The following TNFSF13B variants were observed in gnomAD, a reference collection of about 807,000 sequenced individuals.
The protein encoded by TNFSF13B is TNF superfamily member 13b, also known as tumor necrosis factor ligand superfamily member 13B.
In TNFSF13B, 8 loss-of-function variants were observed where a neutral mutation model predicts 29.1. That is an observed-to-expected ratio of 0.27 (90% confidence interval 0.16 to 0.50). The LOEUF (loss-of-function observed/expected upper bound fraction) is 0.50. TNFSF13B is among the 20% of genes least tolerant of loss of function. TNFSF13B has a pLI of 0.98. For missense variants in TNFSF13B, 248 were observed against 334.9 expected (o/e 0.74, Z 2.03); for synonymous variants, 125 against 130.8 (o/e 0.96, Z 0.30).
chr13:108,278,683 TTCCTCCTC>T (rs1880842991), intron 2 of TNFSF13B, among the ~76,000 whole-genome samples: 167 of 9,382 alleles, frequency 0.018, no homozygotes, highest in African/African-American at 0.028. Context: ...CTCTCCTCCT[TTCCTCCTC>T]CTCTTCCTCC....
At chr13:108,301,307 C>T (rs1159159095) in intron 3 of TNFSF13B, 1 of 152,172 alleles carries the variant, frequency 6.6e-6, no homozygotes, top group Non-Finnish European at 1.5e-5. Context: ...AGATAGGGTG[C>T]ATTCGGAGTG....
intron 2 of TNFSF13B, among the ~76,000 whole-genome samples, chr13:108,281,530 C>T (rs1880956347): frequency 6.6e-6 from 1 of 152,128 alleles, no homozygotes; most frequent in Admixed American, 6.6e-5. Flanking sequence ...TATGTCTTTT[C>T]CCAGTAGATC....
At chr13:108,272,917 G>A (rs989639395) in intron 2 of TNFSF13B, among the ~76,000 whole-genome samples, 1 of 151,822 alleles carries the variant, frequency 6.6e-6, no homozygotes, top group Admixed American at 6.6e-5. Flanking sequence ...TAATAGAGTA[G>A]GAAAGAAATA....
intron 3 of TNFSF13B, among the ~76,000 whole-genome samples, chr13:108,302,159 T>C (rs1364585879): frequency 6.6e-6 from 1 of 152,184 alleles, no homozygotes; most frequent in African/African-American, 2.4e-5. Flanking sequence ...CTATTGTCTG[T>C]TGTGGATTCT....
At chr13:108,278,315 T>C (rs987729323) in intron 2 of TNFSF13B, among the ~76,000 whole-genome samples, 2 of 152,082 alleles carry the variant, frequency 1.3e-5, no homozygotes, top group African/African-American at 2.4e-5. Flanking sequence ...CGAGATTATC[T>C]AGACAGTGGT....
chr13:108,306,674 A>C, intron 5 of TNFSF13B, 152 bp from the exon 6 acceptor site: 1 of 489,708 alleles, frequency 2.0e-6, no homozygotes, highest in Non-Finnish European at 3.6e-6. Flanking sequence ...AGGCTAAGAT[A>C]ATTGCAATGG....
chr13:108,306,017 C>T (rs7982100), intron 5 of TNFSF13B, among the ~76,000 whole-genome samples: 4,091 of 152,232 alleles, frequency 0.027, 96 homozygotes, highest in East Asian at 0.1. Flanking sequence ...TATTTCTTCT[C>T]TTCCCCCATT....
In TNFSF13B at chr13:108,270,009, T is replaced by G. The variant is rs766785703; in HGVS notation, c.114T>G (p.Ser38=). 22 of 1,613,084 alleles carry G rather than the reference T, an allele frequency of 1.4e-5. No individual in the cohort carries two copies. Among genetic ancestry groups the G allele is most frequent in the Non-Finnish European group, 1.9e-5 (22 of 1,180,020 alleles). Residue 38 remains serine, a synonymous_variant, in exon 1 of 6, where the codon TCT becomes TCG. Coordinates refer to ENST00000375887, the MANE Select transcript of TNFSF13B (RefSeq NM_006573.5). ...VSILPRKESP[S]VRSSKDGKLL... is the part of the protein sequence containing the mutation. ...TCCTCCCACGGAAGGAAAGCCCCTCTGTCCGATCCTCCAAAGACGGAAAGC... is the reference window on the plus strand; with the variant it reads ...TCCTCCCACGGAAGGAAAGCCCCTCGGTCCGATCCTCCAAAGACGGAAAGC...
At chr13:108,284,911 G>A (rs562605871) in intron 2 of TNFSF13B, among the ~76,000 whole-genome samples, 7 of 152,290 alleles carry the variant, frequency 4.6e-5, no homozygotes, top group Admixed American at 1.3e-4. Flanking sequence ...TAGCTGCCCC[G>A]GAGGCTTTGT....
chr13:108,282,095 A>G (rs1880974455), intron 2 of TNFSF13B, among the ~76,000 whole-genome samples: 2 of 152,212 alleles, frequency 1.3e-5, no homozygotes, highest in Non-Finnish European at 2.9e-5. Flanking sequence ...GGTGCAATAA[A>G]TAAGATGACA....
At chr13:108,275,376 G>A (rs1043466480) in intron 2 of TNFSF13B, among the ~76,000 whole-genome samples, 5 of 151,976 alleles carry the variant, frequency 3.3e-5, no homozygotes, top group African/African-American at 9.7e-5. Flanking sequence ...ACCTAAAAAG[G>A]TTCATTGTTA....
At chr13:108,280,570 A>C (rs1231769897) in intron 2 of TNFSF13B, among the ~76,000 whole-genome samples, 5 of 152,222 alleles carry the variant, frequency 3.3e-5, no homozygotes, top group Admixed American at 6.5e-5. Flanking sequence ...CGTTCCAAGA[A>C]TATATTATTA....
chr13:108,304,246 C>T (rs1041713146), intron 5 of TNFSF13B, among the ~76,000 whole-genome samples: 2 of 151,730 alleles, frequency 1.3e-5, no homozygotes, highest in Admixed American at 1.3e-4. Flanking sequence ...TTTCTAAATA[C>T]AGGTGACATC....
At chr13:108,304,126 A>T (rs922919374) in intron 5 of TNFSF13B, among the ~76,000 whole-genome samples, 1 of 152,198 alleles carries the variant, frequency 6.6e-6, no homozygotes, top group Admixed American at 6.5e-5. Context: ...ACTTGGTTTA[A>T]ACCAGCCAGT....
chr13:108,303,653 G>T, intron 5 of TNFSF13B, 49 bp downstream of exon 5: 1 of 1,556,306 alleles, frequency 6.4e-7, no homozygotes, highest in South Asian at 1.2e-5. Flanking sequence ...AAGAGACTTT[G>T]ACGAAAAATC....
At chr13:108,271,220 A>G (rs1880604466) in intron 2 of TNFSF13B, among the ~76,000 whole-genome samples, 1 of 152,150 alleles carries the variant, frequency 6.6e-6, no homozygotes, top group East Asian at 1.9e-4. Flanking sequence ...AATTCTTAAT[A>G]TTATTGTCCT....
At chr13:108,306,449 A>G (rs893999246) in intron 5 of TNFSF13B, among the ~76,000 whole-genome samples, 2 of 151,950 alleles carry the variant, frequency 1.3e-5, no homozygotes, top group African/African-American at 4.8e-5. Context: ...TTTTTATTTA[A>G]CATTATTATA....
At position 108,300,204 on chromosome 13, in the gene TNFSF13B, A is replaced by G. The variant is rs151240025; in HGVS notation, c.482-3049A>G. Among the ~76,000 whole-genome samples, 44 of 152,306 alleles carry G rather than the reference A, an allele frequency of 2.9e-4. No individual in the cohort carries two copies. The East Asian group carries it at 7.5e-3, about 26-fold the overall frequency. On this transcript the variant is annotated intron_variant, in intron 3 of 5. Coordinates refer to ENST00000375887, the MANE Select transcript of TNFSF13B (RefSeq NM_006573.5). ...GTATTAAAATGCTTTTAAAAAAACA[A>G]TTGAATACCTGTGATTAATTTTTAC...
At position 108,270,129 on chromosome 13, in the gene TNFSF13B, C is replaced by T. The variant is rs753318573; in HGVS notation, c.234C>T (p.Ser78=). Residue 78 remains serine (S), a synonymous_variant, in exon 1 of 6, where the codon AGC becomes AGT. Transcript: ENST00000375887. The stretch of plus-strand genomic sequence containing the variant: ...CCGCCCTGCAAGGGGACCTGGCCAG[C>T]CTCCGGGCAGAGCTGCAGGGCCACC... ...QVAALQGDLA[S]LRAELQGHHA... 1.7e-5 allele frequency: 27 copies of T among 1,602,470 alleles called. 1 individual carries two copies. The highest frequency in any genetic ancestry group is 1.3e-4 in the South Asian group (12 of 91,076).
Sources: allele counts gnomAD v4.1 joint callset (sites outside exome capture counted in the v4.1 genomes callset), GRCh38; gene constraint gnomAD v4.1.1; transcripts MANE v1.5; gene names NCBI Gene and HGNC (gene_info 2026-07-23, HGNC 2026-07-21).